Variants in SULT6B1 observed in about 807,000 individuals in gnomAD.
The protein encoded by SULT6B1 is sulfotransferase 6B1.
In SULT6B1, 44 loss-of-function variants were observed where a neutral mutation model predicts 37.2. That is an observed-to-expected ratio of 1.18 (90% CI 0.93 to 1.52). The LOEUF (loss-of-function observed/expected upper bound fraction) is 1.52, where lower values mean the gene tolerates loss of function less well. SULT6B1 is among the 40% of genes most tolerant of loss of function. SULT6B1 has a pLI of 0.00. For synonymous variants in SULT6B1, 140 were observed against 126.0 expected (o/e 1.11, Z -0.74); for missense variants, 450 against 361.0 (o/e 1.25, Z -2.00).
At chr2:37,168,249 G>C (rs1287814747) in intron 6 of SULT6B1, among the ~76,000 whole-genome samples, 184 bp from the exon 7 acceptor site, 1 of 152,108 alleles carries the variant, frequency 6.6e-6, no homozygotes, top group Non-Finnish European at 1.5e-5. Context: ...GAGTGCCGTG[G>C]TGCGATCTTC....
chr2:37,185,717 C>CAAAAAAAAAAA (rs200087048), intron 2 of SULT6B1, among the ~76,000 whole-genome samples: 30 of 83,372 alleles, frequency 3.6e-4, no homozygotes, highest in Non-Finnish European at 5.0e-4. Context: ...GACTCCATTT[C>CAAAAAAAAAAA]AAAAAAAAAA....
intron 6 of SULT6B1, among the ~76,000 whole-genome samples, chr2:37,168,538 G>C (rs1003726162): frequency 6.6e-6 from 1 of 152,156 alleles, no homozygotes; most frequent in Non-Finnish European, 1.5e-5. Flanking sequence ...TCTGTGGTGT[G>C]GGAGGTGACA....
intron 6 of SULT6B1, among the ~76,000 whole-genome samples, chr2:37,169,919 A>G (rs1051388227): frequency 6.6e-6 from 1 of 152,192 alleles, no homozygotes; most frequent in Non-Finnish European, 1.5e-5. Context: ...TCATTATTTC[A>G]TTATATACTC....
At chr2:37,183,304 C>A in intron 3 of SULT6B1, 121 bp downstream of exon 3, 5 of 760,354 alleles carry the variant, frequency 6.6e-6, no homozygotes, top group Admixed American at 2.7e-5. Context: ...AACAAAAAAA[C>A]TAAATGTCAC....
intron 5 of SULT6B1, among the ~76,000 whole-genome samples, chr2:37,172,929 T>C (rs1676338016): frequency 6.6e-6 from 1 of 152,124 alleles, no homozygotes; most frequent in Non-Finnish European, 1.5e-5. Flanking sequence ...ATCAGCTCAC[T>C]GCAACCTCCA....
At chr2:37,184,627 G>C (rs1676630387) in intron 2 of SULT6B1, among the ~76,000 whole-genome samples, 1 of 152,122 alleles carries the variant, frequency 6.6e-6, no homozygotes, top group African/African-American at 2.4e-5. Flanking sequence ...ACTTAGTGGA[G>C]GCTGGGCATC....
At position 37,179,447 on chromosome 2, in the gene SULT6B1, A is replaced by C; in HGVS notation, c.529+11T>G. On this transcript the variant is annotated intron_variant, in intron 4 of 6. Coordinates refer to ENST00000535679, the MANE Select transcript of SULT6B1 (RefSeq NM_001367551.1). ...ATCAAGTAAGAATAATTCTTTTACCAACAGCCATACCTTGTCCTTTCATGA... is the reference window on the plus strand; with the variant it reads ...ATCAAGTAAGAATAATTCTTTTACCCACAGCCATACCTTGTCCTTTCATGA... 6.2e-7 allele frequency: 1 copy of C among 1,612,570 alleles called. No homozygotes were observed. Among genetic ancestry groups the C allele is most frequent in the Non-Finnish European group, 8.5e-7 (1 of 1,179,834 alleles).
At chr2:37,189,828 T>C (rs1342093368), upstream of SULT6B1, 4 of 152,216 alleles carry the variant, frequency 2.6e-5, no homozygotes, top group Admixed American at 2.6e-4. Context: ...TGTGGCCCTG[T>C]GGCTAAAACA....
At chr2:37,175,007 C>A in intron 5 of SULT6B1, 125 bp downstream of exon 5, 1 of 508,900 alleles carries the variant, frequency 2.0e-6, no homozygotes, top group Non-Finnish European at 3.4e-6. Flanking sequence ...AGCACTGTAC[C>A]ATATATCTGG....
intron 4 of SULT6B1, among the ~76,000 whole-genome samples, chr2:37,176,235 C>T (rs1004098032): frequency 9.2e-5 from 14 of 151,362 alleles, no homozygotes; most frequent in Admixed American, 2.6e-4. Context: ...AAAAACAGTG[C>T]CTGCTTCATA....
At chr2:37,195,455 T>C (rs1676893721) in intron 1 of SULT6B1, among the ~76,000 whole-genome samples, 1 of 152,140 alleles carries the variant, frequency 6.6e-6, no homozygotes, top group Non-Finnish European at 1.5e-5. Flanking sequence ...GTTAGGAAAA[T>C]TGGGGCAATC....
At chr2:37,170,737 CAAAAAAAA>C (rs10617061) in intron 6 of SULT6B1, among the ~76,000 whole-genome samples, 2 of 94,018 alleles carry the variant, frequency 2.1e-5, no homozygotes, top group South Asian at 4.0e-4. Context: ...GATTCTGTCT[CAAAAAAAA>C]AAAAAAAAAA....
intron 3 of SULT6B1, among the ~76,000 whole-genome samples, chr2:37,180,482 A>G (rs1457325298): frequency 6.6e-6 from 1 of 152,188 alleles, no homozygotes; most frequent in African/African-American, 2.4e-5. Context: ...GTCAGCTAAC[A>G]CCTGGATTTT....
At chr2:37,182,949 T>G (rs955225121) in intron 3 of SULT6B1, among the ~76,000 whole-genome samples, 3 of 152,130 alleles carry the variant, frequency 2.0e-5, no homozygotes, top group East Asian at 3.9e-4. Context: ...TGGGAGGCCT[T>G]GGTGGCAGAA....
intron 2 of SULT6B1, among the ~76,000 whole-genome samples, chr2:37,185,384 G>A (rs955331146): frequency 6.6e-6 from 1 of 152,050 alleles, no homozygotes; most frequent in Non-Finnish European, 1.5e-5. Flanking sequence ...GCAAATAATT[G>A]TTAAGTGAAG....
intron 5 of SULT6B1, among the ~76,000 whole-genome samples, chr2:37,173,404 C>T (rs1287224354): frequency 2.0e-5 from 3 of 152,098 alleles, no homozygotes; most frequent in Non-Finnish European, 4.4e-5. Context: ...TATATATTTC[C>T]ATGGCTTTAA....
intron 2 of SULT6B1, among the ~76,000 whole-genome samples, chr2:37,186,416 A>C (rs1013392478): frequency 1.3e-5 from 2 of 152,162 alleles, no homozygotes; most frequent in Non-Finnish European, 2.9e-5. Flanking sequence ...TTCCCTGGGC[A>C]GGGAGTAGAA....
upstream of SULT6B1, among the ~76,000 whole-genome samples, chr2:37,192,891 A>C (rs1176431157): frequency 6.6e-6 from 1 of 152,226 alleles, no homozygotes; most frequent in Non-Finnish European, 1.5e-5. Context: ...TGTTAACCTT[A>C]CAGTTCTACA....
In SULT6B1 at chr2:37,167,851, AT is replaced by A; in HGVS notation, c.*83del. ...TTCAATATTGTTTAATTATTATTTG[AT>A]TATTTGATTGAATTATCATTTAATT... On this transcript the variant is annotated 3_prime_UTR_variant, in exon 7 of 7. Coordinates refer to ENST00000535679, the MANE Select transcript of SULT6B1 (RefSeq NM_001367551.1). 8.5e-7 allele frequency: 1 copy of A among 1,182,898 alleles called. No homozygotes were observed. The highest frequency in any genetic ancestry group is 1.1e-6 in the Non-Finnish European group (1 of 873,754). 73.3% of individuals were successfully genotyped at this position (1,182,898 alleles called of 1,614,324 possible).
Sources: allele counts gnomAD v4.1 joint callset (sites outside exome capture counted in the v4.1 genomes callset), GRCh38; gene constraint gnomAD v4.1.1; transcripts MANE v1.5; gene names NCBI Gene and HGNC (gene_info 2026-07-23, HGNC 2026-07-21).